Variants in ERC2 observed in about 807,000 individuals in gnomAD.
ERC2 encodes the protein ERC protein 2.
ERC2 carries 42 observed loss-of-function variants against 114.8 expected under a neutral mutation model. That is an observed-to-expected ratio of 0.37 (90% confidence interval 0.29 to 0.47). ERC2 has a LOEUF of 0.47. Among genes scored for constraint, ERC2 ranks in the 20% least tolerant of loss-of-function variants. The probability of loss-of-function intolerance (pLI) is 0.99; values close to 1 mark genes in which losing one functional copy is unlikely to be tolerated. For missense variants in ERC2, 939 were observed against 1,150.7 expected (o/e 0.82, Z 2.66); for synonymous variants, 454 against 425.5 (o/e 1.07, Z -0.82).
intron 6 of ERC2, among the ~76,000 whole-genome samples, chr3:56,107,703 C>A (rs2078746034): frequency 6.6e-6 from 1 of 152,092 alleles, no homozygotes. Flanking sequence ...ACAGGGAAAA[C>A]TAAGTACCTA....
intron 15 of ERC2, among the ~76,000 whole-genome samples, chr3:55,702,453 C>T (rs115081609): frequency 8.6e-4 from 131 of 152,236 alleles, no homozygotes; most frequent in African/African-American, 2.8e-3. Context: ...GATTTCTTAC[C>T]GGCTAGTTGC....
intron 13 of ERC2, 116 bp downstream of exon 13, chr3:55,950,309 T>C: frequency 7.5e-7 from 1 of 1,331,474 alleles, no homozygotes. Context: ...AGTGCTAGAC[T>C]CAGGGCAAAG....
At chr3:55,786,785 G>A (rs2069534777) in intron 14 of ERC2, among the ~76,000 whole-genome samples, 1 of 152,110 alleles carries the variant, frequency 6.6e-6, no homozygotes. Context: ...GCCATGGCTG[G>A]AATGGAGGAT....
At chr3:55,540,490 A>C (rs2054319651) in intron 17 of ERC2, among the ~76,000 whole-genome samples, 1 of 152,206 alleles carries the variant, frequency 6.6e-6, no homozygotes, top group African/African-American at 2.4e-5. Flanking sequence ...TAGAGGTAAG[A>C]AATGGTCTAT....
chr3:55,864,144 TATATATATATACACATATATATACAC>T (rs1178276400), intron 14 of ERC2, among the ~76,000 whole-genome samples: 16 of 116,486 alleles, frequency 1.4e-4, no homozygotes, highest in African/African-American at 5.9e-4. Flanking sequence ...TATATACATA[TATATATATATACACATATATATACAC>T]ATATATATAT....
At chr3:55,911,256 C>T (rs935248079) in intron 13 of ERC2, among the ~76,000 whole-genome samples, 3 of 152,192 alleles carry the variant, frequency 2.0e-5, no homozygotes, top group Non-Finnish European at 4.4e-5. Context: ...AAGACACATA[C>T]AGCACTAAAA....
intron 7 of ERC2, among the ~76,000 whole-genome samples, chr3:56,043,863 A>G (rs966960198): frequency 2.4e-4 from 36 of 152,302 alleles, no homozygotes; most frequent in African/African-American, 7.5e-4. Flanking sequence ...TGTATATTTT[A>G]GTAATTAAGA....
At chr3:56,351,236 A>T (rs2058541631) in intron 2 of ERC2, among the ~76,000 whole-genome samples, 1 of 152,204 alleles carries the variant, frequency 6.6e-6, no homozygotes, top group South Asian at 2.1e-4. Flanking sequence ...GGAAGATAAA[A>T]CTAGGGGTAT....
At chr3:55,870,097 C>T (rs561325928) in intron 14 of ERC2, among the ~76,000 whole-genome samples, 16 of 150,908 alleles carry the variant, frequency 1.1e-4, no homozygotes, top group African/African-American at 3.4e-4. Context: ...TTTTTTGAGA[C>T]AGGGTCTCAC....
At chr3:56,314,875 C>T (rs751953291) in intron 2 of ERC2, among the ~76,000 whole-genome samples, 15 of 152,130 alleles carry the variant, frequency 9.9e-5, no homozygotes, top group Admixed American at 2.6e-4. Context: ...ACTCTCAGCA[C>T]AAAACTCTTT....
chr3:55,921,320 G>C (rs1004844876), intron 13 of ERC2, among the ~76,000 whole-genome samples: 2 of 151,986 alleles, frequency 1.3e-5, no homozygotes. Flanking sequence ...CCTTATTATG[G>C]TGTTGGTGTT....
intron 7 of ERC2, among the ~76,000 whole-genome samples, chr3:56,040,611 A>AATATATAGATGTATATTTATATATAC (rs2075106190): frequency 3.0e-5 from 1 of 33,108 alleles, no homozygotes; most frequent in African/African-American, 1.7e-4. Context: ...ATGTATATAT[A>AATATATAGATGTATATTTATATATAC]ATATATAGAT....
intron 6 of ERC2, among the ~76,000 whole-genome samples, chr3:56,111,691 A>G (rs936279344): frequency 6.6e-6 from 1 of 152,224 alleles, no homozygotes; most frequent in African/African-American, 2.4e-5. Flanking sequence ...TAGGATTTCA[A>G]TACAAAGCTG....
intron 17 of ERC2, among the ~76,000 whole-genome samples, chr3:55,645,322 AAC>A (rs1232644238): frequency 1.3e-5 from 2 of 152,198 alleles, no homozygotes; most frequent in African/African-American, 4.8e-5. Flanking sequence ...TACAGTTGTT[AAC>A]AGTCTTATTT....
Position 56,296,511 on chromosome 3 carries a change from G to A in ERC2, c.658-76C>T, listed in dbSNP as rs1232452328. 3.5e-6 allele frequency: 5 copies of A among 1,417,330 alleles called. No individual in the cohort carries two copies. The East Asian group carries it at 9.7e-5, about 28-fold the overall frequency. The allele number at this position is 1,417,330 out of a possible 1,614,324, so 87.8% of individuals were successfully genotyped here. ...ATGAAAATGTCAAGTGCCGCTTGCT[G>A]CCACCACACTATGAAGATGGAATGT... On this transcript the variant is annotated intron_variant, in intron 2 of 17. Transcript: ENST00000288221.
At chr3:55,736,973 T>C (rs898267521) in intron 14 of ERC2, among the ~76,000 whole-genome samples, 2 of 152,154 alleles carry the variant, frequency 1.3e-5, no homozygotes, top group Non-Finnish European at 2.9e-5. Context: ...GTGTCTCTTC[T>C]GAAACATTCT....
intron 2 of ERC2, among the ~76,000 whole-genome samples, chr3:56,355,558 T>C (rs1396996074): frequency 6.6e-6 from 1 of 152,120 alleles, no homozygotes; most frequent in Admixed American, 6.5e-5. Context: ...GCGATCCTCC[T>C]GTCTCAGCCT....
intron 13 of ERC2, among the ~76,000 whole-genome samples, chr3:55,942,266 CTTTTTTTTTTTTTTTTTTTTTTTT>C (rs56851837): frequency 1.9e-4 from 8 of 42,114 alleles, no homozygotes; most frequent in South Asian, 1.1e-3. Context: ...AAGGTCCTTT[CTTTTTTTTTTTTTTTTTTTTTTTT>C]TTTTTTTTTT....
At chr3:56,214,159 T>C (rs932131492) in intron 3 of ERC2, among the ~76,000 whole-genome samples, 1 of 151,858 alleles carries the variant, frequency 6.6e-6, no homozygotes, top group African/African-American at 2.4e-5. Context: ...CTTTGACGAG[T>C]TGAGAGAAGA....
Sources: allele counts gnomAD v4.1 joint callset (sites outside exome capture counted in the v4.1 genomes callset), GRCh38; gene constraint gnomAD v4.1.1; transcripts MANE v1.5; gene names NCBI Gene and HGNC (gene_info 2026-07-23, HGNC 2026-07-21).